The following SGCZ variants were observed in gnomAD, a reference collection of about 807,000 sequenced individuals.
SGCZ encodes sarcoglycan zeta, also known as zeta-sarcoglycan.
SGCZ carries 40 observed loss-of-function variants against 41.3 expected under a neutral mutation model. The observed-to-expected ratio is 0.97, with a 90% CI of 0.75 to 1.26. SGCZ has a LOEUF of 1.26. Among genes scored for constraint, SGCZ ranks in the 50% most tolerant of loss-of-function variants. The probability of loss-of-function intolerance (pLI) is 0.00; values close to 1 mark genes in which losing one functional copy is unlikely to be tolerated. For missense variants in SGCZ, 552 were observed against 369.8 expected (o/e 1.49, Z -4.04); for synonymous variants, 206 against 137.5 (o/e 1.50, Z -3.49).
At chr8:14,990,996 C>T (rs913113709) in intron 1 of SGCZ, among the ~76,000 whole-genome samples, 1 of 152,124 alleles carries the variant, frequency 6.6e-6, no homozygotes, top group African/African-American at 2.4e-5. Context: ...CCTAACATTG[C>T]TTACACATGA....
At chr8:14,576,035 C>A (rs1417283084) in intron 1 of SGCZ, among the ~76,000 whole-genome samples, 1 of 151,534 alleles carries the variant, frequency 6.6e-6, no homozygotes, top group Non-Finnish European at 1.5e-5. Context: ...AATACTGTAC[C>A]AACATCCTCA....
chr8:14,803,072 T>C (rs35770515), intron 1 of SGCZ, among the ~76,000 whole-genome samples: 53,641 of 151,878 alleles, frequency 0.35, 11,578 homozygotes, highest in East Asian at 0.5. Flanking sequence ...TATTACTAAA[T>C]TATTTTACCA....
chr8:14,097,882 T>G (rs949160619), intron 7 of SGCZ, among the ~76,000 whole-genome samples: 1 of 152,188 alleles, frequency 6.6e-6, no homozygotes, highest in African/African-American at 2.4e-5. Context: ...TAGTTTAAAG[T>G]CTGTTTTATC....
chr8:15,113,505 C>A (rs1056186327), intron 1 of SGCZ, among the ~76,000 whole-genome samples: 3 of 152,130 alleles, frequency 2.0e-5, no homozygotes, highest in African/African-American at 7.2e-5. Context: ...ACTAACTCAT[C>A]AGTAACCAAA....
intron 1 of SGCZ, among the ~76,000 whole-genome samples, chr8:14,714,476 T>C (rs554287682): frequency 1.3e-5 from 2 of 152,304 alleles, no homozygotes; most frequent in Admixed American, 1.3e-4. Context: ...TCCGAAAAGC[T>C]ATATGGAATA....
chr8:14,890,715 TC>T (rs1804979925), intron 1 of SGCZ, among the ~76,000 whole-genome samples: 2 of 152,184 alleles, frequency 1.3e-5, no homozygotes, highest in Admixed American at 6.5e-5. Flanking sequence ...GAAATTGCCT[TC>T]CATTGGTAGA....
chr8:14,282,876 G>A (rs1349266053), intron 3 of SGCZ, among the ~76,000 whole-genome samples: 2 of 98,276 alleles, frequency 2.0e-5, no homozygotes, highest in Admixed American at 2.7e-4. Flanking sequence ...TTGAGACGGA[G>A]TCTCACTCTG....
chr8:14,976,340 C>T (rs1388559833), intron 1 of SGCZ, among the ~76,000 whole-genome samples: 1 of 152,016 alleles, frequency 6.6e-6, no homozygotes, highest in Non-Finnish European at 1.5e-5. Context: ...TATATTTTGA[C>T]TAGGAAGTTC....
At chr8:14,244,872 A>C (rs1443146136) in intron 3 of SGCZ, among the ~76,000 whole-genome samples, 1 of 151,880 alleles carries the variant, frequency 6.6e-6, no homozygotes, top group Non-Finnish European at 1.5e-5. Context: ...ATGGGAGTTG[A>C]CTCATGATTT....
At chr8:14,441,634 CT>C (rs1300203229) in intron 2 of SGCZ, among the ~76,000 whole-genome samples, 2 of 152,100 alleles carry the variant, frequency 1.3e-5, no homozygotes, top group Non-Finnish European at 2.9e-5. Context: ...AGTTAGAGTT[CT>C]CCTCTCAAGG....
chr8:14,566,710 C>G (rs1377477421), intron 1 of SGCZ, among the ~76,000 whole-genome samples: 1 of 152,260 alleles, frequency 6.6e-6, no homozygotes, highest in Non-Finnish European at 1.5e-5. Context: ...GGCCTTGGCG[C>G]CCACTCTGGC....
intron 1 of SGCZ, among the ~76,000 whole-genome samples, chr8:15,149,382 T>C (rs1020540147): frequency 9.9e-5 from 15 of 152,100 alleles, no homozygotes; most frequent in African/African-American, 2.7e-4. Flanking sequence ...CTTACTGATG[T>C]CCCCACCAGA....
At chr8:15,098,401 C>A (rs1806469196) in intron 1 of SGCZ, among the ~76,000 whole-genome samples, 1 of 152,062 alleles carries the variant, frequency 6.6e-6, no homozygotes, top group African/African-American at 2.4e-5. Context: ...CTGAAATATC[C>A]CAGACCCAAA....
intron 1 of SGCZ, among the ~76,000 whole-genome samples, chr8:15,150,185 T>A (rs143679711): frequency 6.6e-6 from 1 of 152,202 alleles, no homozygotes; most frequent in Non-Finnish European, 1.5e-5. Context: ...TGTGTATTGC[T>A]TTATCCATTA....
In SGCZ at chr8:15,177,494, T is replaced by TA. The variant is rs567950607; in HGVS notation, c.39+60090dup. The stretch of plus-strand genomic sequence containing the variant: ...ACATCAACTATTTGATTTTAAAGAT[T>TA]ATACATTTAATCTTACAATGGGAGG... On this transcript the variant is annotated intron_variant, in intron 1 of 7. Coordinates refer to ENST00000382080, the MANE Select transcript of SGCZ (RefSeq NM_139167.4). Among the ~76,000 whole-genome samples the TA allele has an allele frequency of 4.4e-3, 672 of 152,318 alleles. 5 individuals carry two copies. The highest frequency in any genetic ancestry group is 7.3e-3 in the Non-Finnish European group (494 of 68,024).
Position 14,661,930 on chromosome 8 carries a change from A to G in SGCZ, c.40-107004T>C, listed in dbSNP as rs1047248992. 2.6e-5 allele frequency among the ~76,000 whole-genome samples: 4 copies of G among 152,170 alleles called. No individual in the cohort carries two copies. In the East Asian group the frequency reaches 7.7e-4, roughly 29 times the overall value. ...CTTGATAATTGTTTTAACAATGTTAAATTTTAAATACACAAGCATTTTCAA... is the reference window on the plus strand; with the variant it reads ...CTTGATAATTGTTTTAACAATGTTAGATTTTAAATACACAAGCATTTTCAA... On this transcript the variant is annotated intron_variant, in intron 1 of 7. Coordinates refer to ENST00000382080, the MANE Select transcript of SGCZ (RefSeq NM_139167.4).
At chr8:14,820,005 C>T (rs1308681431) in intron 1 of SGCZ, among the ~76,000 whole-genome samples, 1 of 152,022 alleles carries the variant, frequency 6.6e-6, no homozygotes, top group Non-Finnish European at 1.5e-5. Context: ...GCAGGAATAA[C>T]TCCTTATCTG....
At chr8:14,154,219 A>T (rs1265802033) in intron 5 of SGCZ, among the ~76,000 whole-genome samples, 2 of 146,830 alleles carry the variant, frequency 1.4e-5, no homozygotes, top group African/African-American at 5.0e-5. Context: ...AAATACAAAA[A>T]ATTAGCCAGG....
chr8:14,702,032 T>C (rs931175548), intron 1 of SGCZ, among the ~76,000 whole-genome samples: 1 of 151,882 alleles, frequency 6.6e-6, no homozygotes, highest in African/African-American at 2.4e-5. Flanking sequence ...GTCTCCACCT[T>C]CTTCAGTCTC....
Sources: gnomAD v4.1 joint callset for allele counts (sites outside exome capture counted in the v4.1 genomes callset) on GRCh38, gnomAD v4.1.1 for gene constraint, MANE v1.5 for transcripts, NCBI Gene and HGNC (gene_info 2026-07-23, HGNC 2026-07-21) for gene names.